COA7: variants seen among roughly 807,000 people sequenced by gnomAD.
The protein encoded by COA7 is Sel1 repeat containing 1.
In COA7, 12 loss-of-function variants were observed where a neutral mutation model predicts 21.0. The ratio of observed to expected loss-of-function variants is 0.57; its 90% CI spans 0.37 to 0.92. COA7 has a LOEUF of 0.92. Among genes scored for constraint, COA7 ranks in the 40% least tolerant of loss-of-function variants. The pLI, the probability that COA7 is intolerant of heterozygous loss-of-function variation, is 0.01. For synonymous variants in COA7, 95 were observed against 107.4 expected (o/e 0.88, Z 0.72); for missense variants, 240 against 286.1 (o/e 0.84, Z 1.16).
intron 2 of COA7, among the ~76,000 whole-genome samples, chr1:52,690,843 C>G (rs1186088960): frequency 6.6e-6 from 1 of 152,126 alleles, no homozygotes; most frequent in African/African-American, 2.4e-5. Flanking sequence ...GGCACGGTGG[C>G]TCACACCTGT....
At chr1:52,695,638 A>T (rs1644078917) in intron 1 of COA7, among the ~76,000 whole-genome samples, 1 of 152,220 alleles carries the variant, frequency 6.6e-6, no homozygotes, top group Admixed American at 6.5e-5. Context: ...CTAATATTTA[A>T]CATAACAAAA....
chr1:52,698,212 G>A lies in COA7; in HGVS notation c.106+9C>T, dbSNP rs1303439844. On this transcript the variant is annotated intron_variant, in intron 1 of 2. Coordinates refer to ENST00000371538, the MANE Select transcript of COA7 (RefSeq NM_023077.3). ...CGACGCGTCGCCGGGCTGCGCTGGA[G>A]CCGCTCACCGTCCGGGTCCTTCTCG... The A allele has an allele frequency of 1.5e-5, 24 of 1,598,644 alleles. No homozygotes were observed. The highest frequency in any genetic ancestry group is 2.1e-5 in the Non-Finnish European group (24 of 1,168,974).
At chr1:52,698,011 C>T (rs1454949050) in intron 1 of COA7, 1 of 565,232 alleles carries the variant, frequency 1.8e-6, no homozygotes, top group Non-Finnish European at 3.1e-6. Context: ...CCCAAAAGCC[C>T]CAGCACGTCT....
chr1:52,692,494 GAAGT>G (rs1644054624), intron 2 of COA7, among the ~76,000 whole-genome samples: 1 of 152,150 alleles, frequency 6.6e-6, no homozygotes, highest in Non-Finnish European at 1.5e-5. Context: ...GCACAGAGTC[GAAGT>G]GATTGGCTCA....
intron 2 of COA7, among the ~76,000 whole-genome samples, chr1:52,689,396 C>T (rs1038837811): frequency 3.3e-5 from 5 of 151,440 alleles, no homozygotes; most frequent in African/African-American, 7.3e-5. Context: ...CCTCATGATC[C>T]GCCCGCCTCA....
chr1:52,696,543 A>G (rs1166965583), intron 1 of COA7, among the ~76,000 whole-genome samples: 2 of 152,140 alleles, frequency 1.3e-5, no homozygotes, highest in Non-Finnish European at 2.9e-5. Flanking sequence ...TGATATGTAT[A>G]TGGTTGTGTT....
intron 2 of COA7, 146 bp from the exon 3 acceptor site, chr1:52,688,314 G>C: frequency 1.5e-6 from 1 of 651,332 alleles, no homozygotes; most frequent in Non-Finnish European, 2.6e-6. Flanking sequence ...CATGATCACG[G>C]CTCACTGCAG....
chr1:52,695,270 G>C (rs1048781499), intron 1 of COA7, among the ~76,000 whole-genome samples: 2 of 147,256 alleles, frequency 1.4e-5, no homozygotes, highest in African/African-American at 5.1e-5. Flanking sequence ...CTCAAGCCTG[G>C]GCAACAGAGC....
rs1248052749 is a variant in COA7, at chr1:52,687,199, G to A, written c.*521C>T. ...TTATGTAAGTCAGAGGGTGGTAGTTGTGACTATTTAACTGTTCTTAGTTCT... is the reference window on the plus strand; with the variant it reads ...TTATGTAAGTCAGAGGGTGGTAGTTATGACTATTTAACTGTTCTTAGTTCT... On this transcript the variant is annotated 3_prime_UTR_variant, in exon 3 of 3. Transcript: ENST00000371538. 6.3e-6 allele frequency: 1 copy of A among 158,260 alleles called. No individual in the cohort carries two copies. The allele number at this position is 158,260 out of a possible 1,614,324, so 9.8% of individuals were successfully genotyped here.
At chr1:52,697,134 G>T (rs1432684737) in intron 1 of COA7, among the ~76,000 whole-genome samples, 1 of 151,864 alleles carries the variant, frequency 6.6e-6, no homozygotes, top group Non-Finnish European at 1.5e-5. Flanking sequence ...TTAAAAAGTA[G>T]GCAGTGTGCA....
chr1:52,692,178 A>G (rs988744160), intron 2 of COA7, among the ~76,000 whole-genome samples: 11 of 152,192 alleles, frequency 7.2e-5, no homozygotes, highest in Admixed American at 3.9e-4. Context: ...CAATGTCTTG[A>G]CTATAACCTC....
chr1:52,693,348 C>T (rs888090176), intron 1 of COA7, among the ~76,000 whole-genome samples: 1 of 151,948 alleles, frequency 6.6e-6, no homozygotes, highest in African/African-American at 2.4e-5. Flanking sequence ...GAGGCTGAGG[C>T]AGGAGGATCA....
rs1430173630 is a variant in COA7, at chr1:52,686,664, G to A, written c.*1056C>T. Reference sequence around the variant, plus strand: ...GGGGTTTCCCCGTGTTAGCCAGGATGGTCATGATCTCCTGATCTCGTGATC... The same window carrying A: ...GGGGTTTCCCCGTGTTAGCCAGGATAGTCATGATCTCCTGATCTCGTGATC... On this transcript the variant is annotated 3_prime_UTR_variant, in exon 3 of 3. Coordinates refer to ENST00000371538, the MANE Select transcript of COA7 (RefSeq NM_023077.3). 1 of 152,132 alleles carries A rather than the reference G, an allele frequency of 6.6e-6. No individual in the cohort carries two copies. The highest frequency in any genetic ancestry group is 1.5e-5 in the Non-Finnish European group (1 of 68,076). The allele number at this position is 152,132 out of a possible 1,614,324, so 9.4% of individuals were successfully genotyped here.
At chr1:52,696,435 G>A (rs1244196527) in intron 1 of COA7, among the ~76,000 whole-genome samples, 2 of 151,556 alleles carry the variant, frequency 1.3e-5, no homozygotes, top group African/African-American at 4.9e-5. Context: ...GCCTCCCAAA[G>A]TGCTGGGATT....
chr1:52,689,785 G>A (rs1160800188), intron 2 of COA7, among the ~76,000 whole-genome samples: 2 of 151,922 alleles, frequency 1.3e-5, no homozygotes, highest in East Asian at 2.0e-4. Flanking sequence ...CAGCACTTTG[G>A]GAGGCTGAGG....
chr1:52,690,040 G>GAA lies in COA7; in HGVS notation c.248-1874_248-1873dup, dbSNP rs756064845. Among the ~76,000 whole-genome samples the GAA allele has an allele frequency of 6.2e-3, 419 of 67,262 alleles. 2 individuals carry two copies. The highest frequency in any genetic ancestry group is 0.016 in the African/African-American group (372 of 23,248). 44.1% of individuals were successfully genotyped at this position (67,262 alleles called of 152,430 possible). Reference sequence around the variant, plus strand: ...TAACTCTGTCTCAAAAAAAAAAAAAGAAAAAAAAAAAAAAGATGATTTTAA... The same window carrying GAA: ...TAACTCTGTCTCAAAAAAAAAAAAAGAAAAAAAAAAAAAAAAGATGATTTTAA... On this transcript the variant is annotated intron_variant, in intron 2 of 2. Coordinates refer to ENST00000371538, the MANE Select transcript of COA7 (RefSeq NM_023077.3).
chr1:52,689,777 G>A (rs936429662), intron 2 of COA7, among the ~76,000 whole-genome samples: 4 of 151,862 alleles, frequency 2.6e-5, no homozygotes, highest in Non-Finnish European at 4.4e-5. Flanking sequence ...TGTAATCCCA[G>A]CACTTTGGGA....
chr1:52,689,178 T>TG (rs1644026778), intron 2 of COA7, among the ~76,000 whole-genome samples: 1 of 151,382 alleles, frequency 6.6e-6, no homozygotes, highest in South Asian at 2.1e-4. Context: ...TTTTTTGAGA[T>TG]GGAGTCTTGC....
chr1:52,696,222 G>A (rs1277917408), intron 1 of COA7, among the ~76,000 whole-genome samples: 1 of 151,948 alleles, frequency 6.6e-6, no homozygotes, highest in Non-Finnish European at 1.5e-5. Flanking sequence ...TGCCCAGGCT[G>A]GAGTGTGATG....
Sources: allele counts gnomAD v4.1 joint callset (sites outside exome capture counted in the v4.1 genomes callset), GRCh38; gene constraint gnomAD v4.1.1; transcripts MANE v1.5; gene names NCBI Gene and HGNC (gene_info 2026-07-23, HGNC 2026-07-21).